Variants in PRKD1 observed in about 807,000 individuals in gnomAD.
PRKD1 encodes serine/threonine-protein kinase D1.
Under a neutral mutation model 95.9 loss-of-function variants are expected in PRKD1, and 63 were observed. That is an observed-to-expected ratio of 0.66 (90% CI 0.54 to 0.81). The LOEUF (loss-of-function observed/expected upper bound fraction) is 0.81. Ranked by LOEUF, PRKD1 falls within the 30% of genes least tolerant of loss-of-function variation. The pLI, the probability that PRKD1 is intolerant of heterozygous loss-of-function variation, is 0.00. For missense variants in PRKD1, 1,048 were observed against 1,165.3 expected, an observed-to-expected ratio of 0.90 and a Z score of 1.47; for synonymous variants, 425 against 423.1, an observed-to-expected ratio of 1.00 and a Z score of -0.05.
intron 1 of PRKD1, among the ~76,000 whole-genome samples, chr14:29,898,841 A>T (rs1463680196): frequency 6.6e-6 from 1 of 152,206 alleles, no homozygotes; most frequent in East Asian, 1.9e-4. Flanking sequence ...ATAAGCAAAA[A>T]GAAAGTGAGA....
chr14:29,852,970 A>G (rs1183361044), intron 1 of PRKD1, among the ~76,000 whole-genome samples: 2 of 152,208 alleles, frequency 1.3e-5, no homozygotes, highest in Admixed American at 6.5e-5. Context: ...ATATGATCCA[A>G]CTATATTCCG....
chr14:29,671,617 A>C (rs1221341451), intron 2 of PRKD1, among the ~76,000 whole-genome samples: 1 of 152,196 alleles, frequency 6.6e-6, no homozygotes, highest in East Asian at 1.9e-4. Context: ...AAAAATAGGA[A>C]GAAGTAACAT....
intron 1 of PRKD1, 98 bp from the exon 2 acceptor site, chr14:29,725,772 T>C (rs551999322): frequency 7.9e-7 from 1 of 1,270,322 alleles, no homozygotes; most frequent in African/African-American, 1.5e-5. Flanking sequence ...ATTAGAAAAG[T>C]TCAAAGTATC....
chr14:29,881,531 G>A (rs1893511975), intron 1 of PRKD1, among the ~76,000 whole-genome samples: 1 of 152,020 alleles, frequency 6.6e-6, no homozygotes, highest in African/African-American at 2.4e-5. Context: ...CTCCATCTCT[G>A]ACCCACTCCT....
chr14:29,927,690 A>T lies in PRKD1; in HGVS notation c.-178T>A, dbSNP rs1389955421. 6 of 131,664 alleles carry T rather than the reference A, an allele frequency of 4.6e-5. No individual in the cohort carries two copies. Among genetic ancestry groups the T allele is most frequent in the Admixed American group, 8.5e-5 (1 of 11,756 alleles). 8.2% of individuals were successfully genotyped at this position (131,664 alleles called of 1,614,324 possible). A position where few individuals can be genotyped will look rare whatever the true frequency, so the allele number is the denominator to read the frequency against. On this transcript the variant is annotated 5_prime_UTR_variant, in exon 1 of 18. Transcript: ENST00000331968. ...GCAAGGGGATGAGGATCGGGAGGGG[A>T]GGGGACTAAGGGGAGGAGATGGGGA...
chr14:29,690,960 G>GT (rs1364883004), intron 2 of PRKD1, among the ~76,000 whole-genome samples: 1 of 152,168 alleles, frequency 6.6e-6, no homozygotes, highest in Non-Finnish European at 1.5e-5. Context: ...CCGTGGTAAT[G>GT]TATGATAACT....
intron 2 of PRKD1, among the ~76,000 whole-genome samples, chr14:29,690,571 T>C (rs1434762089): frequency 6.6e-6 from 1 of 152,282 alleles, no homozygotes; most frequent in Non-Finnish European, 1.5e-5. Flanking sequence ...TCTGCTTCAA[T>C]GTCTCTTTCC....
At chr14:29,903,287 A>T (rs1225102180) in intron 1 of PRKD1, among the ~76,000 whole-genome samples, 4 of 152,194 alleles carry the variant, frequency 2.6e-5, no homozygotes, top group Admixed American at 2.0e-4. Flanking sequence ...GCATCACCAC[A>T]AATCATTCTG....
intron 2 of PRKD1, among the ~76,000 whole-genome samples, chr14:29,696,463 A>G (rs949926513): frequency 2.0e-5 from 3 of 152,148 alleles, no homozygotes; most frequent in Admixed American, 6.5e-5. Context: ...CACATTTTCT[A>G]CTAGGTTCAT....
At chr14:29,872,691 C>A (rs1212489430) in intron 1 of PRKD1, among the ~76,000 whole-genome samples, 1 of 151,502 alleles carries the variant, frequency 6.6e-6, no homozygotes, top group Non-Finnish European at 1.5e-5. Context: ...AATCTCCACA[C>A]CAAATATATC....
At chr14:29,853,548 T>C (rs1266446102) in intron 1 of PRKD1, among the ~76,000 whole-genome samples, 1 of 152,224 alleles carries the variant, frequency 6.6e-6, no homozygotes, top group East Asian at 1.9e-4. Flanking sequence ...GTGGCAGAGA[T>C]GAAATCATGC....
chr14:29,601,225 A>T (rs1940385009), intron 13 of PRKD1, among the ~76,000 whole-genome samples: 1 of 152,178 alleles, frequency 6.6e-6, no homozygotes, highest in Admixed American at 6.5e-5. Context: ...CTCACTACCC[A>T]TTTGCAAGGA....
chr14:29,835,005 C>T (rs917288528), intron 1 of PRKD1, among the ~76,000 whole-genome samples: 1 of 151,866 alleles, frequency 6.6e-6, no homozygotes, highest in Non-Finnish European at 1.5e-5. Flanking sequence ...TTTTTCTCTG[C>T]GGAACTAACT....
At chr14:29,686,637 G>GTATTCCATGT (rs1883888520) in intron 2 of PRKD1, among the ~76,000 whole-genome samples, 1 of 152,202 alleles carries the variant, frequency 6.6e-6, no homozygotes, top group Non-Finnish European at 1.5e-5. Context: ...GGCTTTGCCA[G>GTATTCCATGT]TATTCCATGT....
At chr14:29,803,826 C>A (rs551740482) in intron 1 of PRKD1, among the ~76,000 whole-genome samples, 1 of 152,186 alleles carries the variant, frequency 6.6e-6, no homozygotes, top group Non-Finnish European at 1.5e-5. Flanking sequence ...ACATCTGCAA[C>A]TGGGTTCATT....
chr14:29,626,680 G>A (rs1879647745), intron 11 of PRKD1, 124 bp from the exon 12 acceptor site: 2 of 407,012 alleles, frequency 4.9e-6, no homozygotes, highest in Non-Finnish European at 7.7e-6. Flanking sequence ...ATAAATGCTA[G>A]ATGAAATCTG....
intron 1 of PRKD1, among the ~76,000 whole-genome samples, chr14:29,907,040 G>C (rs967960360): frequency 4.6e-5 from 7 of 152,086 alleles, no homozygotes; most frequent in African/African-American, 1.7e-4. Context: ...TTTCAACTAG[G>C]TATCCACTAA....
chr14:29,599,101 G>A lies in PRKD1; in HGVS notation c.2092C>T (p.His698Tyr). ...TQILVALRHL[H>Y]FKNIVHCDLK... is the part of the protein sequence containing the mutation. ...TCACAGTGAACGATATTTTTAAAATGAAGGTGCCGCAAAGCCACGAGTATC... is the reference window on the plus strand; with the variant it reads ...TCACAGTGAACGATATTTTTAAAATAAAGGTGCCGCAAAGCCACGAGTATC... Residue 698 changes from histidine to tyrosine, a missense_variant, in exon 15 of 18, where the codon CAT becomes TAT. Transcript: ENST00000331968. The A allele has an allele frequency of 6.2e-7, 1 of 1,613,642 alleles. No individual in the cohort carries two copies.
At chr14:29,651,483 C>T (rs751193818) in intron 4 of PRKD1, among the ~76,000 whole-genome samples, 23 of 152,060 alleles carry the variant, frequency 1.5e-4, no homozygotes, top group Non-Finnish European at 2.8e-4. Context: ...TATCAGAATA[C>T]CATGTCTAAG....
Sources: gnomAD v4.1 joint callset for allele counts (sites outside exome capture counted in the v4.1 genomes callset) on GRCh38, gnomAD v4.1.1 for gene constraint, MANE v1.5 for transcripts, NCBI Gene and HGNC (gene_info 2026-07-23, HGNC 2026-07-21) for gene names.